Variants in CDHR2 observed in about 807,000 individuals in gnomAD.
CDHR2 encodes the protein cadherin related family member 2.
In CDHR2, 104 loss-of-function variants were observed where a neutral mutation model predicts 138.6. The observed-to-expected ratio is 0.75, with a 90% CI of 0.64 to 0.88. CDHR2 has a LOEUF of 0.88. Ranked by LOEUF, CDHR2 falls within the 40% of genes least tolerant of loss-of-function variation. CDHR2 has a pLI of 0.00. For missense variants in CDHR2, 1,624 were observed against 1,727.6 expected (o/e 0.94, Z 1.06); for synonymous variants, 755 against 742.8 (o/e 1.02, Z -0.27).
At chr5:176,568,298 G>T (rs1282544051) in intron 3 of CDHR2, among the ~76,000 whole-genome samples, 1 of 152,218 alleles carries the variant, frequency 6.6e-6, no homozygotes. Flanking sequence ...GAGCAGAAAG[G>T]GGGTGTCCTG....
Position 176,578,612 on chromosome 5 carries a change from T to A in CDHR2, c.1818+4T>A, listed in dbSNP as rs1206473637. The A allele has an allele frequency of 6.2e-7, 1 of 1,608,258 alleles. No homozygotes were observed. Among genetic ancestry groups the A allele is most frequent in the Non-Finnish European group, 8.5e-7 (1 of 1,179,940 alleles). On this transcript the variant is annotated splice_donor_region_variant and intron_variant, in intron 16 of 31. Coordinates refer to ENST00000261944, the MANE Select transcript of CDHR2 (RefSeq NM_017675.6). ...CAATGTCTCCGTGACCATCCAGGTG[T>A]GAGCCTGCCTGGACCTGGTGGGTAA... is the stretch of plus-strand genomic sequence containing the variant.
In CDHR2 at chr5:176,595,522, C is replaced by T. The variant is rs756793079; in HGVS notation, c.3793-10C>T. Reference sequence around the variant, plus strand: ...CTTGCCCTTCACACCTCCTCTCCCTCTCCCTGCAGGAGCACAGGCCACCAC... The same window carrying T: ...CTTGCCCTTCACACCTCCTCTCCCTTTCCCTGCAGGAGCACAGGCCACCAC... On this transcript the variant is annotated splice_polypyrimidine_tract_variant and intron_variant, in intron 31 of 31. Coordinates refer to ENST00000261944, the MANE Select transcript of CDHR2 (RefSeq NM_017675.6). The T allele has an allele frequency of 7.6e-6, 12 of 1,586,032 alleles. No homozygotes were observed. The highest frequency in any genetic ancestry group is 8.6e-6 in the Non-Finnish European group (10 of 1,164,864).
chr5:176,585,299 C>G (rs572020850), intron 19 of CDHR2, among the ~76,000 whole-genome samples: 3 of 152,238 alleles, frequency 2.0e-5, no homozygotes, highest in South Asian at 4.1e-4. Flanking sequence ...CATTATTTTA[C>G]AAGATGCTGT....
At chr5:176,585,898 G>T in intron 19 of CDHR2, 56 bp from the exon 20 acceptor site, 1 of 1,385,668 alleles carries the variant, frequency 7.2e-7, no homozygotes, top group Non-Finnish European at 1.0e-6. Context: ...TTGAGGCCCA[G>T]GCTCTTTGGG....
intron 30 of CDHR2, 126 bp from the exon 31 acceptor site, chr5:176,592,597 G>GTC: frequency 1.3e-6 from 1 of 747,980 alleles, no homozygotes; most frequent in Non-Finnish European, 2.4e-6. Flanking sequence ...TGATGGTGGT[G>GTC]GTGGTGATGG....
intron 5 of CDHR2, among the ~76,000 whole-genome samples, chr5:176,569,959 CA>C (rs67181310): frequency 0.025 from 3,579 of 141,552 alleles, 170 homozygotes; most frequent in African/African-American, 0.086. Context: ...GACTCCGTCT[CA>C]AAAAAAAAAA....
At position 176,591,445 on chromosome 5, in the gene CDHR2, T is replaced by G. The variant is rs1427218718; in HGVS notation, c.3695T>G (p.Leu1232Trp). The G allele has an allele frequency of 6.2e-7, 1 of 1,613,972 alleles. No homozygotes were observed. The highest frequency in any genetic ancestry group is 2.2e-5 in the East Asian group (1 of 44,890). ...AACCTCCCCAACAAAGACCTGGGCT[T>G]GGAGTACCTCTCTCCCTCCAATGAC... ...MLNLPNKDLG[L>W]EYLSPSNDLD... Residue 1232 changes from leucine to tryptophan, a missense_variant, in exon 30 of 32, where the codon TTG becomes TGG. Physicochemically the swap from Leu to Trp is moderately conservative, Grantham distance 61. Around this residue, in one of 3 missense-constraint regions of CDHR2, gnomAD observed 556 missense variants for 565.7 expected, o/e 0.98. Transcript: ENST00000261944.
In CDHR2 at chr5:176,568,889, TGGTGGCGG is replaced by T. The variant is rs1561871022; in HGVS notation, c.265-70_265-63del. The T allele has an allele frequency of 1.9e-6, 3 of 1,611,066 alleles. No individual in the cohort carries two copies. The Admixed American group carries it at 5.0e-5, about 27-fold the overall frequency. Reference sequence around the variant, plus strand: ...GGGAGGGCCCTGGGAGCCCGCGTCCTGGTGGCGGCACCCCCTGTGCTCCCACCCAGCGG... The same window carrying T: ...GGGAGGGCCCTGGGAGCCCGCGTCCTCACCCCCTGTGCTCCCACCCAGCGG... On this transcript the variant is annotated intron_variant, in intron 4 of 31. Transcript: ENST00000261944.
chr5:176,563,774 G>A (rs1013938473), intron 1 of CDHR2, among the ~76,000 whole-genome samples: 1 of 152,248 alleles, frequency 6.6e-6, no homozygotes, highest in African/African-American at 2.4e-5. Context: ...TGGGCCACAA[G>A]TGGGGCCGTT....
intron 20 of CDHR2, among the ~76,000 whole-genome samples, chr5:176,586,345 G>A (rs536806666): frequency 3.9e-5 from 6 of 152,310 alleles, no homozygotes; most frequent in African/African-American, 7.2e-5. Context: ...ACAGGCATGC[G>A]CCACCACACC....
Position 176,587,448 on chromosome 5 carries a change from C to CA in CDHR2, c.2856+615dup, listed in dbSNP as rs919618563. ...GGGCGACAAGAGTGAAACTCTGCCT[C>CA]AAAAAAAAATAAATAAATAAATAAA... On this transcript the variant is annotated intron_variant, in intron 21 of 31. Coordinates refer to ENST00000261944, the MANE Select transcript of CDHR2 (RefSeq NM_017675.6). Among the ~76,000 whole-genome samples, 446 of 142,400 alleles carry CA rather than the reference C, an allele frequency of 3.1e-3. 4 individuals carry two copies. The highest frequency in any genetic ancestry group is 0.015 in the Middle Eastern group (4 of 270). The allele number at this position is 142,400 out of a possible 152,430, so 93.4% of individuals were successfully genotyped here.
In CDHR2 at chr5:176,589,336, G is replaced by A. The variant is rs1420383291; in HGVS notation, c.3015G>A (p.Val1005=). 5.1e-6 allele frequency: 8 copies of A among 1,554,766 alleles called. No individual in the cohort carries two copies. Among genetic ancestry groups the A allele is most frequent in the Non-Finnish European group, 7.0e-6 (8 of 1,149,688 alleles). ...CGCCTCCCGCCTTCCGCAGGCCGGT[G>A]ACCAGCCTCGACTCCACTCTCCAAG... ...ADVFAGSIQP[V]TSLDSTLQGT... Residue 1005 remains valine (V), a synonymous_variant, in exon 23 of 32, where the codon GTG becomes GTA. Transcript: ENST00000261944.
At chr5:176,554,243 G>T (rs1012927710) in intron 1 of CDHR2, among the ~76,000 whole-genome samples, 1 of 152,198 alleles carries the variant, frequency 6.6e-6, no homozygotes, top group African/African-American at 2.4e-5. Context: ...CCCTGGCCCT[G>T]CCCATTTAGC....
chr5:176,549,172 C>T (rs867768388), upstream of CDHR2, among the ~76,000 whole-genome samples: 4 of 152,210 alleles, frequency 2.6e-5, no homozygotes, highest in East Asian at 1.9e-4. Context: ...GCCCCAGGAG[C>T]GCCAGGAGCT....
chr5:176,592,522 T>TGGG (rs1554144648), intron 30 of CDHR2, among the ~76,000 whole-genome samples: 1 of 150,592 alleles, frequency 6.6e-6, no homozygotes, highest in Admixed American at 6.6e-5. Flanking sequence ...ATGATAGTGG[T>TGGG]GGTGGTGGTG....
At chr5:176,572,428 A>G (rs1327290169) in intron 6 of CDHR2, among the ~76,000 whole-genome samples, 1 of 152,016 alleles carries the variant, frequency 6.6e-6, no homozygotes, top group East Asian at 1.9e-4. Context: ...AAAAAAATTA[A>G]AAAATTAAAA....
chr5:176,592,155 A>C (rs1206077457), intron 30 of CDHR2, among the ~76,000 whole-genome samples: 1 of 70,214 alleles, frequency 1.4e-5, no homozygotes, highest in Non-Finnish European at 2.8e-5. Flanking sequence ...TGATGATGAC[A>C]ATGATGATGG....
intron 4 of CDHR2, 67 bp downstream of exon 4, chr5:176,568,884 C>T (rs781003989): frequency 1.6e-5 from 26 of 1,610,680 alleles, no homozygotes; most frequent in South Asian, 7.7e-5. Flanking sequence ...TGGGAGCCCG[C>T]GTCCTGGTGG....
upstream of CDHR2, among the ~76,000 whole-genome samples, chr5:176,545,205 C>G (rs149184912): frequency 2.6e-5 from 4 of 152,280 alleles, no homozygotes; most frequent in African/African-American, 4.8e-5. Flanking sequence ...AATCTCCCCC[C>G]ACCCCACCTC....
Sources: allele counts gnomAD v4.1 joint callset (sites outside exome capture counted in the v4.1 genomes callset), GRCh38; gene constraint gnomAD v4.1.1; regional missense constraint gnomAD v4.1.1; transcripts MANE v1.5; gene names NCBI Gene and HGNC (gene_info 2026-07-23, HGNC 2026-07-21).